Variants in RORA observed in about 807,000 individuals in gnomAD.
RORA encodes the protein nuclear receptor ROR-alpha.
RORA carries 7 observed loss-of-function variants against 69.5 expected under a neutral mutation model. The ratio of observed to expected loss-of-function variants is 0.10; its 90% CI spans 0.06 to 0.19. The LOEUF (loss-of-function observed/expected upper bound fraction) is 0.19. Ranked by LOEUF, RORA falls within the 10% of genes least tolerant of loss-of-function variation. RORA has a pLI of 1.00. For synonymous variants in RORA, 261 were observed against 240.8 expected (o/e 1.08, Z -0.78); for missense variants, 457 against 663.0 (o/e 0.69, Z 3.41).
intron 1 of RORA, among the ~76,000 whole-genome samples, chr15:60,929,943 C>A (rs542010102): frequency 1.1e-4 from 16 of 152,252 alleles, no homozygotes; most frequent in African/African-American, 3.9e-4. Context: ...TTTGGATCAA[C>A]ACGTGCTGCT....
intron 9 of RORA, among the ~76,000 whole-genome samples, chr15:60,500,493 G>A (rs1425657358): frequency 6.6e-6 from 1 of 152,018 alleles, no homozygotes. Flanking sequence ...CAAATAGAAG[G>A]TAGTAACTTA....
At chr15:60,563,331 C>T (rs2067630658) in intron 2 of RORA, among the ~76,000 whole-genome samples, 1 of 152,170 alleles carries the variant, frequency 6.6e-6, no homozygotes, top group Non-Finnish European at 1.5e-5. Context: ...CATGGAATTC[C>T]TCTTCTTGCA....
At chr15:60,949,419 A>C (rs1184476808) in intron 1 of RORA, among the ~76,000 whole-genome samples, 2 of 152,080 alleles carry the variant, frequency 1.3e-5, no homozygotes, top group Middle Eastern at 3.2e-3. Flanking sequence ...AACTGCCCAA[A>C]TCGTGTTCCC....
At chr15:61,114,388 T>G (rs2079032648) in intron 1 of RORA, among the ~76,000 whole-genome samples, 1 of 152,202 alleles carries the variant, frequency 6.6e-6, no homozygotes, top group Non-Finnish European at 1.5e-5. Context: ...ATTTATCCCC[T>G]ATTCCATGAA....
intron 1 of RORA, among the ~76,000 whole-genome samples, chr15:60,826,790 T>TCTCTC (rs1423429144): frequency 9.2e-6 from 1 of 108,904 alleles, no homozygotes; most frequent in African/African-American, 3.6e-5. Context: ...TCTCTCTCTC[T>TCTCTC]TTTTTTTTTA....
At chr15:60,523,050 C>A (rs1237143023) in intron 3 of RORA, among the ~76,000 whole-genome samples, 2 of 148,322 alleles carry the variant, frequency 1.3e-5, no homozygotes, top group African/African-American at 2.5e-5. Context: ...AAAAAAAACA[C>A]AAAAAAAAAA....
chr15:60,961,416 A>G (rs1893410505), intron 1 of RORA, among the ~76,000 whole-genome samples: 1 of 152,228 alleles, frequency 6.6e-6, no homozygotes, highest in African/African-American at 2.4e-5. Context: ...CTGGTCCTTG[A>G]AGCCAAGATT....
intron 2 of RORA, among the ~76,000 whole-genome samples, chr15:60,643,599 C>A (rs2069983536): frequency 6.6e-6 from 1 of 152,156 alleles, no homozygotes; most frequent in African/African-American, 2.4e-5. Context: ...TATTTTCTAC[C>A]TATGCCTTCC....
intron 1 of RORA, among the ~76,000 whole-genome samples, chr15:60,720,774 T>C (rs2071283545): frequency 6.6e-6 from 1 of 152,222 alleles, no homozygotes; most frequent in Admixed American, 6.5e-5. Context: ...AACAACACTC[T>C]CTATTGCCCG....
chr15:60,604,999 A>G (rs1046636491), intron 2 of RORA, among the ~76,000 whole-genome samples: 13 of 152,192 alleles, frequency 8.5e-5, no homozygotes, highest in African/African-American at 3.1e-4. Context: ...ATACTAACAA[A>G]CAGTGTGAAC....
Position 60,966,558 on chromosome 15 carries a change from G to A in RORA, c.166+262495C>T, listed in dbSNP as rs189522300. On this transcript the variant is annotated intron_variant, in intron 1 of 10. Transcript: ENST00000335670. ...AATCCTAGAACAATATCTGGCACAT[G>A]GTAGGAATGTATTAGATGAATGAAT... Among the ~76,000 whole-genome samples the A allele has an allele frequency of 4.7e-3, 713 of 152,292 alleles. 4 individuals carry two copies. Among genetic ancestry groups the A allele is most frequent in the Non-Finnish European group, 5.1e-3 (349 of 68,028 alleles).
rs147036192 is a variant in RORA at position 60,982,811 on chromosome 15, C to T, written c.166+246242G>A. On this transcript the variant is annotated intron_variant, in intron 1 of 10. Transcript: ENST00000335670. Reference sequence around the variant, plus strand: ...AAGTATTTGGTTACATTCCAGAGTTCTGAAAAAGCACATTCTGATGGTTAT... The same window carrying T: ...AAGTATTTGGTTACATTCCAGAGTTTTGAAAAAGCACATTCTGATGGTTAT... 3.2e-4 allele frequency among the ~76,000 whole-genome samples: 49 copies of T among 152,238 alleles called. No individual in the cohort carries two copies. The East Asian group carries it at 9.5e-3, about 29-fold the overall frequency.
intron 1 of RORA, among the ~76,000 whole-genome samples, chr15:60,941,247 T>C (rs559179427): frequency 9.2e-5 from 14 of 152,344 alleles, no homozygotes; most frequent in Non-Finnish European, 1.9e-4. Flanking sequence ...TAAAAGGCAC[T>C]AAATTGAGTG....
intron 1 of RORA, among the ~76,000 whole-genome samples, chr15:60,758,873 T>C (rs1380242625): frequency 6.6e-6 from 1 of 152,184 alleles, no homozygotes; most frequent in Non-Finnish European, 1.5e-5. Flanking sequence ...TTAATCTGAA[T>C]TAAGAATTCT....
At chr15:60,647,742 T>C (rs986812860) in intron 2 of RORA, among the ~76,000 whole-genome samples, 1 of 152,194 alleles carries the variant, frequency 6.6e-6, no homozygotes, top group Non-Finnish European at 1.5e-5. Flanking sequence ...AAACATCATA[T>C]AAGGTGTTTA....
rs186770838 is a variant in RORA, at chr15:60,771,883, G to A, written c.167-93197C>T. ...GATCTTGGAAAAACATAGGTAGCAC[G>A]GTGCTGCAGTGCATTTAGTGATGAG... On this transcript the variant is annotated intron_variant, in intron 1 of 10. Coordinates refer to ENST00000335670, the MANE Select transcript of RORA (RefSeq NM_134261.3). Among the ~76,000 whole-genome samples the A allele has an allele frequency of 4.6e-5, 7 of 152,212 alleles. No homozygotes were observed. The East Asian group carries it at 7.7e-4, about 17-fold the overall frequency.
chr15:60,514,772 TA>T lies in RORA; in HGVS notation c.283-16del. On this transcript the variant is annotated splice_polypyrimidine_tract_variant and intron_variant, in intron 3 of 10. Coordinates refer to ENST00000335670, the MANE Select transcript of RORA (RefSeq NM_134261.3). ...CTGAAAAAGCCCTGTGATATGGTTATAAAATATAAAACAGGTTAGTGTCAGA... is the reference window on the plus strand; with the variant it reads ...CTGAAAAAGCCCTGTGATATGGTTATAAATATAAAACAGGTTAGTGTCAGA... The T allele has an allele frequency of 6.2e-7, 1 of 1,610,988 alleles. No homozygotes were observed. Among genetic ancestry groups the T allele is most frequent in the African/African-American group, 1.3e-5 (1 of 74,958 alleles).
At chr15:60,666,492 T>G (rs1433716979) in intron 2 of RORA, among the ~76,000 whole-genome samples, 1 of 151,512 alleles carries the variant, frequency 6.6e-6, no homozygotes, top group African/African-American at 2.4e-5. Flanking sequence ...GCCAAAAAAA[T>G]TAAAGAATAT....
intron 1 of RORA, among the ~76,000 whole-genome samples, chr15:61,015,318 T>G (rs1379778499): frequency 6.6e-6 from 1 of 152,194 alleles, no homozygotes; most frequent in Non-Finnish European, 1.5e-5. Context: ...TAGAGCCTTG[T>G]GACTTTGAAA....
Sources: gnomAD v4.1 joint callset for allele counts (sites outside exome capture counted in the v4.1 genomes callset) on GRCh38, gnomAD v4.1.1 for gene constraint, MANE v1.5 for transcripts, NCBI Gene and HGNC (gene_info 2026-07-23, HGNC 2026-07-21) for gene names.